PTER: variants seen among roughly 807,000 people sequenced by gnomAD.
The protein encoded by PTER is phosphotriesterase related.
PTER carries 38 observed loss-of-function variants against 29.6 expected under a neutral mutation model. The ratio of observed to expected loss-of-function variants is 1.28; its 90% confidence interval spans 0.99 to 1.68. The LOEUF is 1.68. Ranked by LOEUF, PTER falls within the 40% of genes most tolerant of loss-of-function variation. The pLI, the probability that PTER is intolerant of heterozygous loss-of-function variation, is 0.00. For synonymous variants in PTER, 172 were observed against 154.5 expected (o/e 1.11, Z -0.84); for missense variants, 482 against 427.8 (o/e 1.13, Z -1.12).
At chr10:16,510,489 T>G (rs12269082) in intron 4 of PTER, among the ~76,000 whole-genome samples, 3,114 of 152,322 alleles carry the variant, frequency 0.02, 107 homozygotes, top group African/African-American at 0.071. Flanking sequence ...CAACCTTTTT[T>G]CAGTGGCTTT....
chr10:16,505,401 C>A lies in PTER; in HGVS notation c.839+241C>A, dbSNP rs536201962. Among the ~76,000 whole-genome samples the A allele has an allele frequency of 2.6e-5, 4 of 152,206 alleles. No individual in the cohort carries two copies. In the East Asian group the frequency reaches 7.7e-4, roughly 29 times the overall value. On this transcript the variant is annotated intron_variant, in intron 4 of 4. Coordinates refer to ENST00000535784, the MANE Select transcript of PTER (RefSeq NM_001261836.2). ...GCCTTAGAAGTTCAGTGCAGATGGG[C>A]AGCTGACAGGAAACACAGATAATAC...
intron 1 of PTER, among the ~76,000 whole-genome samples, chr10:16,454,464 T>A (rs2133379099): frequency 6.6e-6 from 1 of 151,744 alleles, no homozygotes; most frequent in Middle Eastern, 3.4e-3. Flanking sequence ...TAATCCCAGA[T>A]ACTTAGGAGG....
At chr10:16,467,367 G>A (rs539582917) in intron 1 of PTER, among the ~76,000 whole-genome samples, 28 of 152,118 alleles carry the variant, frequency 1.8e-4, no homozygotes, top group African/African-American at 5.5e-4. Context: ...TACTATTTGC[G>A]GTTTCACACA....
At chr10:16,459,236 T>C (rs1352126450) in intron 1 of PTER, among the ~76,000 whole-genome samples, 1 of 152,228 alleles carries the variant, frequency 6.6e-6, no homozygotes, top group Non-Finnish European at 1.5e-5. Context: ...TGATAAGTTT[T>C]GTTTGTTTTT....
chr10:16,505,119 C>T lies in PTER; in HGVS notation c.798C>T (p.Gly266=), dbSNP rs923694296. 6.2e-6 allele frequency: 10 copies of T among 1,613,756 alleles called. No individual in the cohort carries two copies. The highest frequency in any genetic ancestry group is 8.5e-6 in the Non-Finnish European group (10 of 1,179,894). Residue 266 remains glycine, a synonymous_variant, in exon 4 of 5, where the codon GGC becomes GGT. Coordinates refer to ENST00000535784, the MANE Select transcript of PTER (RefSeq NM_001261836.2). ...CTGAACTACTTCATTACCAACTCGG[C>T]CCAGATATTGACATGCCTGATGATA... ...FGTELLHYQL[G]PDIDMPDDNK... is the part of the protein sequence containing the mutation.
chr10:16,502,360 T>G (rs1836383362), intron 3 of PTER, among the ~76,000 whole-genome samples: 2 of 152,220 alleles, frequency 1.3e-5, no homozygotes, highest in South Asian at 4.1e-4. Context: ...GAATATGTTT[T>G]CTATAGAAAA....
chr10:16,508,384 A>G (rs1297798558), intron 4 of PTER, among the ~76,000 whole-genome samples: 1 of 152,098 alleles, frequency 6.6e-6, no homozygotes, highest in African/African-American at 2.4e-5. Context: ...CATGTTTTCT[A>G]AATCATCTTG....
chr10:16,473,537 A>AAC (rs1835138582), intron 1 of PTER, among the ~76,000 whole-genome samples: 1 of 150,652 alleles, frequency 6.6e-6, no homozygotes. Context: ...AAAAAAAAAA[A>AAC]AAAAAAAAAA....
Position 16,513,465 on chromosome 10 carries a change from T to C in PTER, c.*2209T>C, listed in dbSNP as rs1055338. 19,674 of 143,350 alleles carry C rather than the reference T, an allele frequency of 0.14. 1,567 individuals carry two copies. The highest frequency in any genetic ancestry group is 0.24 in the East Asian group (1,208 of 5,054). 8.9% of individuals were successfully genotyped at this position (143,350 alleles called of 1,614,324 possible). A position where few individuals can be genotyped will look rare whatever the true frequency, so the allele number is the denominator to read the frequency against. ...ATTTCATCTAATATATATATGTGTGTGTGAGTATATGTGTGCATGTTTAGC... is the reference window on the plus strand; with the variant it reads ...ATTTCATCTAATATATATATGTGTGCGTGAGTATATGTGTGCATGTTTAGC... On this transcript the variant is annotated 3_prime_UTR_variant, in exon 5 of 5. Coordinates refer to ENST00000535784, the MANE Select transcript of PTER (RefSeq NM_001261836.2).
intron 2 of PTER, among the ~76,000 whole-genome samples, chr10:16,485,065 G>A (rs567475796): frequency 6.6e-6 from 1 of 152,304 alleles, no homozygotes; most frequent in East Asian, 1.9e-4. Context: ...AGATCTTAGT[G>A]CACTGGTCAT....
At chr10:16,498,312 C>A (rs1361454900) in intron 3 of PTER, among the ~76,000 whole-genome samples, 9 of 152,220 alleles carry the variant, frequency 5.9e-5, no homozygotes, top group Non-Finnish European at 1.3e-4. Flanking sequence ...GTGTCTCACA[C>A]TGTAATCCCA....
intron 4 of PTER, among the ~76,000 whole-genome samples, chr10:16,507,370 T>C (rs983601094): frequency 1.3e-5 from 2 of 152,034 alleles, no homozygotes; most frequent in Non-Finnish European, 2.9e-5. Context: ...GGGGGAGCAG[T>C]AGTTCCCTAT....
intron 1 of PTER, among the ~76,000 whole-genome samples, chr10:16,454,870 T>C (rs1834338858): frequency 6.6e-6 from 1 of 152,058 alleles, no homozygotes; most frequent in Non-Finnish European, 1.5e-5. Flanking sequence ...AAGCTGATAA[T>C]CAAATGTAAT....
chr10:16,477,865 A>T (rs911613717), intron 1 of PTER, among the ~76,000 whole-genome samples: 4 of 152,216 alleles, frequency 2.6e-5, no homozygotes, highest in Non-Finnish European at 4.4e-5. Flanking sequence ...TGCTTTACTG[A>T]TCAAATACAG....
chr10:16,484,896 G>A lies in PTER; in HGVS notation c.432+80G>A. On this transcript the variant is annotated intron_variant, in intron 2 of 4. Coordinates refer to ENST00000535784, the MANE Select transcript of PTER (RefSeq NM_001261836.2). ...ACCTTGGAAATGCCCTGGGTTCAGA[G>A]GTAGCTGGGCATGCTACGGAAATTT... 5 of 1,436,816 alleles carry A rather than the reference G, an allele frequency of 3.5e-6. No individual in the cohort carries two copies. In the South Asian group the frequency reaches 6.0e-5, roughly 17 times the overall value. The allele number at this position is 1,436,816 out of a possible 1,614,324, so 89.0% of individuals were successfully genotyped here.
chr10:16,460,279 A>G (rs764409881), intron 1 of PTER, among the ~76,000 whole-genome samples: 1 of 152,192 alleles, frequency 6.6e-6, no homozygotes, highest in Non-Finnish European at 1.5e-5. Flanking sequence ...TTCTTTATTA[A>G]CAGAGACAAG....
chr10:16,444,744 G>A (rs1833961533), intron 1 of PTER, among the ~76,000 whole-genome samples: 1 of 152,084 alleles, frequency 6.6e-6, no homozygotes. Context: ...GGCACAGAAG[G>A]CCTCAGTTTG....
At chr10:16,464,738 G>T (rs1834746011) in intron 1 of PTER, among the ~76,000 whole-genome samples, 1 of 152,166 alleles carries the variant, frequency 6.6e-6, no homozygotes, top group African/African-American at 2.4e-5. Context: ...CATTCCTCCA[G>T]TATCAGTGAA....
In PTER at chr10:16,484,586, A is replaced by G. The variant is rs1174477141; in HGVS notation, c.202A>G (p.Lys68Glu). Residue 68 changes from lysine to glutamate, a missense_variant, in exon 2 of 5, where the codon AAA becomes GAA. Physicochemically the swap from Lys to Glu is moderately conservative, Grantham distance 56. Coordinates refer to ENST00000535784, the MANE Select transcript of PTER (RefSeq NM_001261836.2). Reference sequence around the variant, plus strand: ...GATTCAGAAAAACGCCTATTCCCATAAAGAAAACCTTCAATTAAATCAGGA... The same window carrying G: ...GATTCAGAAAAACGCCTATTCCCATGAAGAAAACCTTCAATTAAATCAGGA... ...YWIQKNAYSH[K>E]ENLQLNQETE... is the part of the protein sequence containing the mutation. 3.1e-6 allele frequency: 5 copies of G among 1,614,116 alleles called. No individual in the cohort carries two copies. The highest frequency in any genetic ancestry group is 1.7e-5 in the Admixed American group (1 of 59,986).
Sources: allele counts gnomAD v4.1 joint callset (sites outside exome capture counted in the v4.1 genomes callset), GRCh38; gene constraint gnomAD v4.1.1; transcripts MANE v1.5; gene names NCBI Gene and HGNC (gene_info 2026-07-23, HGNC 2026-07-21).